Variants in EED observed in about 807,000 individuals in gnomAD.
EED encodes the protein embryonic ectoderm development, also known as polycomb protein EED.
Under a neutral mutation model 61.0 loss-of-function variants are expected in EED, and 9 were observed. That is an observed-to-expected ratio of 0.15 (90% CI 0.09 to 0.26). EED has a LOEUF of 0.26. EED is among the 10% of genes least tolerant of loss of function. The pLI is 1.00. For synonymous variants in EED, 187 were observed against 174.4 expected (o/e 1.07, Z -0.57); for missense variants, 315 against 542.3 (o/e 0.58, Z 4.16).
At position 86,262,074 on chromosome 11, in the gene EED, G is replaced by T. The variant is rs556803089; in HGVS notation, c.635-2098G>T. On this transcript the variant is annotated intron_variant, in intron 6 of 11. Transcript: ENST00000263360. ...TTTATATATTTTTTGAAGAGACAAG[G>T]ACTTGCTATGTTGCCCAGGCTGGTC... Among the ~76,000 whole-genome samples the T allele has an allele frequency of 2.2e-4, 33 of 152,184 alleles. No homozygotes were observed. In the South Asian group the frequency reaches 5.4e-3, roughly 25 times the overall value.
intron 1 of EED, 62 bp downstream of exon 1, chr11:86,245,405 G>C: frequency 7.3e-7 from 1 of 1,366,466 alleles, no homozygotes; most frequent in Middle Eastern, 1.8e-4. Flanking sequence ...CTTTTAAAAC[G>C]GGGGGCGCGG....
intron 5 of EED, 23 bp from the exon 6 acceptor site, chr11:86,257,492 G>T: frequency 3.8e-6 from 6 of 1,567,592 alleles, no homozygotes; most frequent in Non-Finnish European, 5.2e-6. Flanking sequence ...TAGGAAACTT[G>T]AAATGTTTTA....
At chr11:86,264,092 T>G (rs538340633) in intron 6 of EED, 80 bp from the exon 7 acceptor site, 53 of 1,086,358 alleles carry the variant, frequency 4.9e-5, no homozygotes, top group Middle Eastern at 2.2e-4. Flanking sequence ...ATCTAGACTT[T>G]AGTAGTTTTT....
chr11:86,276,917 T>G, intron 9 of EED, 63 bp from the exon 10 acceptor site: 1 of 1,374,532 alleles, frequency 7.3e-7, no homozygotes, highest in Non-Finnish European at 9.5e-7. Context: ...AAGCCTTGTT[T>G]TTACTTTGTA....
At chr11:86,274,378 C>CTT (rs1358742729) in intron 9 of EED, among the ~76,000 whole-genome samples, 1 of 151,990 alleles carries the variant, frequency 6.6e-6, no homozygotes, top group East Asian at 1.9e-4. Flanking sequence ...TGATTTTTGT[C>CTT]TTTTTAAAAA....
intron 8 of EED, among the ~76,000 whole-genome samples, chr11:86,267,174 G>A (rs1946000629): frequency 1.3e-5 from 2 of 152,072 alleles, no homozygotes; most frequent in South Asian, 4.1e-4. Context: ...TTTGAGAGAG[G>A]TTTGGCCATA....
chr11:86,273,144 C>T (rs576887216), intron 9 of EED, among the ~76,000 whole-genome samples: 2 of 152,200 alleles, frequency 1.3e-5, no homozygotes, highest in African/African-American at 2.4e-5. Context: ...CTGATTCAGC[C>T]TCCCGAGTAG....
chr11:86,282,110 G>T (rs568719301), downstream of EED, among the ~76,000 whole-genome samples: 43 of 152,218 alleles, frequency 2.8e-4, no homozygotes, highest in African/African-American at 1.0e-3. Context: ...TTGTTTCGAA[G>T]CACATCCCAG....
At position 86,257,499 on chromosome 11, in the gene EED, T is replaced by C; in HGVS notation, c.553-16T>C. 1 of 1,583,002 alleles carries C rather than the reference T, an allele frequency of 6.3e-7. No individual in the cohort carries two copies. The highest frequency in any genetic ancestry group is 8.6e-7 in the Non-Finnish European group (1 of 1,168,308). ...TTTTGAGATAGGAAACTTGAAATGT[T>C]TTAAATTTATTGTAGCACTATGTTG... is the stretch of plus-strand genomic sequence containing the variant. On this transcript the variant is annotated splice_polypyrimidine_tract_variant and intron_variant, in intron 5 of 11. Transcript: ENST00000263360.
chr11:86,247,804 G>T (rs1186936699), intron 1 of EED, among the ~76,000 whole-genome samples: 1 of 152,212 alleles, frequency 6.6e-6, no homozygotes, highest in Non-Finnish European at 1.5e-5. Flanking sequence ...AAGCAGATGG[G>T]GTGTGGGGGA....
At chr11:86,263,228 C>T (rs1227479478) in intron 6 of EED, among the ~76,000 whole-genome samples, 1 of 152,184 alleles carries the variant, frequency 6.6e-6, no homozygotes, top group Non-Finnish European at 1.5e-5. Context: ...TGATCACAAC[C>T]ACTTAAGTAA....
rs35685239 is a variant in EED at position 86,264,439 on chromosome 11, A to ATATT, written c.726+190_726+193dup. ...TGAAGGAATAAAACAAGTAAAGACTATATTTATTTATTTATTTTTTAAATT... is the reference window on the plus strand; with the variant it reads ...TGAAGGAATAAAACAAGTAAAGACTATATTTATTTATTTATTTATTTTTTAAATT... On this transcript the variant is annotated intron_variant, in intron 7 of 11. Coordinates refer to ENST00000263360, the MANE Select transcript of EED (RefSeq NM_003797.5). 149,457 of 416,036 alleles carry ATATT rather than the reference A, an allele frequency of 0.36. 28,380 individuals are homozygous for ATATT. The highest frequency in any genetic ancestry group is 0.38 in the Non-Finnish European group (88,395 of 234,460). The allele number at this position is 416,036 out of a possible 1,614,324, so 25.8% of individuals were successfully genotyped here.
At chr11:86,279,202 CCTTT>C (rs760359525), downstream of EED, among the ~76,000 whole-genome samples, 23 of 152,006 alleles carry the variant, frequency 1.5e-4, no homozygotes, top group Non-Finnish European at 2.9e-4. Flanking sequence ...TTAACTGTAA[CCTTT>C]CTTTATAGTT....
rs1315287378 is a variant in EED, at chr11:86,244,883, G to C, written c.-347G>C. 1 of 256,112 alleles carries C rather than the reference G, an allele frequency of 3.9e-6. No individual in the cohort carries two copies. Among genetic ancestry groups the C allele is most frequent in the East Asian group, 5.9e-5 (1 of 16,810 alleles). The allele number at this position is 256,112 out of a possible 1,614,324, so 15.9% of individuals were successfully genotyped here. A position where few individuals can be genotyped will look rare whatever the true frequency, so the allele number is the denominator to read the frequency against. On this transcript the variant is annotated 5_prime_UTR_variant, in exon 1 of 12. Coordinates refer to ENST00000263360, the MANE Select transcript of EED (RefSeq NM_003797.5). ...TTGAGTTTCGCCTCTTCTCGAGGCGGTGGTGGGAAGGGAGACATACTTAAT... is the reference window on the plus strand; with the variant it reads ...TTGAGTTTCGCCTCTTCTCGAGGCGCTGGTGGGAAGGGAGACATACTTAAT...
chr11:86,245,461 A>C (rs983595633), intron 1 of EED, 118 bp downstream of exon 1: 8 of 835,684 alleles, frequency 9.6e-6, no homozygotes, highest in Admixed American at 8.0e-5. Context: ...TCACTCAGGA[A>C]AACGCGGGCG....
intron 6 of EED, chr11:86,263,953 T>A (rs898951114): frequency 2.0e-6 from 1 of 511,736 alleles, no homozygotes; most frequent in African/African-American, 1.9e-5. Context: ...ATTGAGTTTC[T>A]AGCACATGCT....
the EED span, chr11:86,284,217 C>T: frequency 2.6e-5 from 4 of 152,254 alleles, no homozygotes; most frequent in African/African-American, 7.2e-5. Flanking sequence ...AAGCCTTCCA[C>T]ACCAATGTGA....
chr11:86,245,366 A>C, intron 1 of EED, 23 bp downstream of exon 1: 1 of 1,554,144 alleles, frequency 6.4e-7, no homozygotes, highest in Non-Finnish European at 8.8e-7. Context: ...TCTGGCAGTT[A>C]CGAGACTGCG....
intron 9 of EED, among the ~76,000 whole-genome samples, chr11:86,272,722 A>G (rs1057075922): frequency 6.6e-5 from 10 of 152,178 alleles, no homozygotes; most frequent in Non-Finnish European, 1.3e-4. Context: ...TTTTCATTAC[A>G]TAATCTTTTT....
Sources: allele counts gnomAD v4.1 joint callset (sites outside exome capture counted in the v4.1 genomes callset), GRCh38; gene constraint gnomAD v4.1.1; transcripts MANE v1.5; gene names NCBI Gene and HGNC (gene_info 2026-07-23, HGNC 2026-07-21).